FLNB: variants seen among roughly 807,000 people sequenced by gnomAD.
FLNB encodes filamin-B.
Under a neutral mutation model 250.6 loss-of-function variants are expected in FLNB, and 111 were observed. The ratio of observed to expected loss-of-function variants is 0.44; its 90% CI spans 0.38 to 0.52. The LOEUF (loss-of-function observed/expected upper bound fraction) is 0.52. Ranked by LOEUF, FLNB falls within the 20% of genes least tolerant of loss-of-function variation. The probability of loss-of-function intolerance (pLI) is 0.00; values close to 1 mark genes in which losing one functional copy is unlikely to be tolerated. For missense variants in FLNB, 2,869 were observed against 3,447.8 expected (o/e 0.83, Z 4.20); for synonymous variants, 1,302 against 1,372.1 (o/e 0.95, Z 1.13).
chr3:58,109,120 C>A, intron 13 of FLNB, 59 bp from the exon 14 acceptor site: 5 of 1,609,082 alleles, frequency 3.1e-6, no homozygotes, highest in South Asian at 2.2e-5. Context: ...CCACAGTGAC[C>A]CTGTCTGATA....
chr3:58,137,884 C>T (rs1387688006), intron 28 of FLNB, among the ~76,000 whole-genome samples: 1 of 152,170 alleles, frequency 6.6e-6, no homozygotes, highest in African/African-American at 2.4e-5. Flanking sequence ...ATTTCCACTG[C>T]AGTTGGAAAT....
chr3:58,120,765 G>A (rs374335512), intron 19 of FLNB, among the ~76,000 whole-genome samples: 97 of 152,258 alleles, frequency 6.4e-4, no homozygotes, highest in African/African-American at 2.1e-3. Context: ...AATAAGAGAC[G>A]ACAGTGTCAG....
intron 41 of FLNB, among the ~76,000 whole-genome samples, chr3:58,157,810 T>G (rs1470171534): frequency 6.6e-6 from 1 of 152,170 alleles, no homozygotes; most frequent in East Asian, 1.9e-4. Flanking sequence ...AAAAATCCCC[T>G]CCAGGAAACT....
intron 1 of FLNB, among the ~76,000 whole-genome samples, chr3:58,017,563 T>G (rs2097107579): frequency 6.6e-6 from 1 of 152,124 alleles, no homozygotes; most frequent in African/African-American, 2.4e-5. Flanking sequence ...AGTGTCAGGA[T>G]TTATTCTGTG....
At chr3:58,090,696 T>C (rs1406909907) in intron 4 of FLNB, among the ~76,000 whole-genome samples, 2 of 152,204 alleles carry the variant, frequency 1.3e-5, no homozygotes, top group East Asian at 3.8e-4. Flanking sequence ...GCAAATAAAA[T>C]TGAGCTGTAT....
At position 58,075,880 on chromosome 3, in the gene FLNB, C is replaced by G. The variant is rs543708002; in HGVS notation, c.293-1166C>G. Among the ~76,000 whole-genome samples the G allele has an allele frequency of 2.6e-5, 4 of 151,570 alleles. No homozygotes were observed. In the East Asian group the frequency reaches 7.7e-4, roughly 29 times the overall value. The stretch of plus-strand genomic sequence containing the variant: ...TTGTTGGAGAGTGGGTATAGGGAAA[C>G]GGAGAGAGAGAGAAAGTTGCAGGGG... On this transcript the variant is annotated intron_variant, in intron 1 of 45. Coordinates refer to ENST00000295956, the MANE Select transcript of FLNB (RefSeq NM_001457.4).
In FLNB at chr3:58,156,036, C is replaced by A. The variant is rs1193707328; in HGVS notation, c.6849C>A (p.Pro2283=). The change falls in exon 41 of 46, where the codon CCC becomes CCA. Residue 2283 remains proline, a synonymous_variant. Coordinates refer to ENST00000295956, the MANE Select transcript of FLNB (RefSeq NM_001457.4). The part of the protein sequence containing the change: ...ESPYLVPVIA[P]SDDARRLTVM... Reference sequence around the variant, plus strand: ...CCTACCTGGTGCCGGTCATCGCACCCTCCGACGACGCCCGCCGCCTCACTG... The same window carrying A: ...CCTACCTGGTGCCGGTCATCGCACCATCCGACGACGCCCGCCGCCTCACTG... The A allele has an allele frequency of 6.2e-7, 1 of 1,614,094 alleles. No homozygotes were observed. The highest frequency in any genetic ancestry group is 1.1e-5 in the South Asian group (1 of 91,074).
intron 42 of FLNB, among the ~76,000 whole-genome samples, chr3:58,161,908 AC>A (rs2097362432): frequency 1.3e-5 from 2 of 152,128 alleles, no homozygotes; most frequent in South Asian, 4.2e-4. Context: ...AGTCTCCAGC[AC>A]GTCTGCCTTC....
chr3:58,089,262 C>T (rs976192183), intron 4 of FLNB, among the ~76,000 whole-genome samples: 3 of 152,048 alleles, frequency 2.0e-5, no homozygotes, highest in Non-Finnish European at 4.4e-5. Flanking sequence ...AGTAGCCAGG[C>T]GTGGTGGCTC....
rs1434785228 is a variant in FLNB at position 58,169,149 on chromosome 3, G to T, written c.7418-441G>T. On this transcript the variant is annotated intron_variant, in intron 44 of 45. Coordinates refer to ENST00000295956, the MANE Select transcript of FLNB (RefSeq NM_001457.4). This position sits in a 1 kb window ranked among gnomAD's most constrained non-coding sequence, Gnocchi z 4.8. The stretch of plus-strand genomic sequence containing the variant: ...GATTCACTGTTACATAAAGAATGTA[G>T]GTTCATCGCAGGAAAATTAGAAAAT... The T allele has an allele frequency of 7.3e-6, 2 of 272,252 alleles. No individual in the cohort carries two copies. Among genetic ancestry groups the T allele is most frequent in the South Asian group, 8.9e-5 (2 of 22,360 alleles). 16.9% of individuals were successfully genotyped at this position (272,252 alleles called of 1,614,324 possible).
At chr3:58,107,077 T>C (rs1416336480) in intron 12 of FLNB, among the ~76,000 whole-genome samples, 2 of 152,196 alleles carry the variant, frequency 1.3e-5, no homozygotes, top group East Asian at 3.8e-4. Context: ...TCGCCCAGGC[T>C]GGGGTACGGT....
At position 58,008,872 on chromosome 3, in the gene FLNB, G is replaced by C. The variant is rs761661209; in HGVS notation, c.292+16G>C. 29 of 1,613,292 alleles carry C rather than the reference G, an allele frequency of 1.8e-5. No individual in the cohort carries two copies. Among genetic ancestry groups the C allele is most frequent in the Non-Finnish European group, 2.1e-5 (25 of 1,179,882 alleles). ...GTGTCCATCGGTGAGTTCTCTGGCCGGGCCCAGGCGCCCACTGTGGTGCCG... is the reference window on the plus strand; with the variant it reads ...GTGTCCATCGGTGAGTTCTCTGGCCCGGCCCAGGCGCCCACTGTGGTGCCG... On this transcript the variant is annotated intron_variant, in intron 1 of 45. Transcript: ENST00000295956.
rs1480154412 is a variant in FLNB at position 58,134,772 on chromosome 3, G to A, written c.4671G>A (p.Thr1557=). The A allele has an allele frequency of 3.1e-6, 5 of 1,613,404 alleles. No individual in the cohort carries two copies. The highest frequency in any genetic ancestry group is 2.2e-5 in the East Asian group (1 of 44,888). Residue 1557 remains threonine (T), a splice_region_variant and synonymous_variant, in exon 27 of 46, where the codon ACG becomes ACA. Transcript: ENST00000295956. ...AGEGLLAVQI[T]DQEGKPKRAI... is the part of the protein sequence containing the mutation. Reference sequence around the variant, plus strand: ...AAGGCCTGCTTGCTGTTCAAATAACGGTAACTTGGAGTTATTTTCTGAGCC... The same window carrying A: ...AAGGCCTGCTTGCTGTTCAAATAACAGTAACTTGGAGTTATTTTCTGAGCC...
chr3:58,123,003 T>G, intron 20 of FLNB, 90 bp from the exon 21 acceptor site: 1 of 1,215,282 alleles, frequency 8.2e-7, no homozygotes, highest in Non-Finnish European at 1.2e-6. Context: ...TCAGATGCAC[T>G]TCCATGCTGA....
rs2097339967 is a variant in FLNB, at chr3:58,148,673, T to C, written c.5912T>C (p.Val1971Ala). 4 of 1,614,002 alleles carry C rather than the reference T, an allele frequency of 2.5e-6. No homozygotes were observed. The highest frequency in any genetic ancestry group is 1.1e-5 in the South Asian group (1 of 91,068). Residue 1971 changes from valine to alanine, a missense_variant, in exon 36 of 46, where the codon GTG (valine) becomes GCG (alanine). This residue lies in a region of FLNB where 1,084 missense variants were observed against 1,315.5 expected (regional missense o/e 0.82). Transcript: ENST00000295956. ...HIGISFIPRE[V>A]GEHLVSIKKN... is the part of the protein sequence containing the mutation. ...GGCATCTCCTTCATCCCCCGGGAAG[T>C]GGGCGAACATCTGGTCAGCATCAAG... is the stretch of plus-strand genomic sequence containing the variant.
rs1230192750 is a variant in FLNB at position 58,170,558 on chromosome 3, C to T, written c.7622-17C>T. 1 of 1,613,674 alleles carries T rather than the reference C, an allele frequency of 6.2e-7. No individual in the cohort carries two copies. Among genetic ancestry groups the T allele is most frequent in the Admixed American group, 1.7e-5 (1 of 59,986 alleles). ...TCCTGATGCATCCGGGTGGAGTAACCACCTTTTGCCTCCTAGGCTCCAACA... is the reference window on the plus strand; with the variant it reads ...TCCTGATGCATCCGGGTGGAGTAACTACCTTTTGCCTCCTAGGCTCCAACA... On this transcript the variant is annotated splice_polypyrimidine_tract_variant and intron_variant, in intron 45 of 45. Coordinates refer to ENST00000295956, the MANE Select transcript of FLNB (RefSeq NM_001457.4).
rs575161175 is a variant in FLNB, at chr3:58,099,542, CTGTTTTGTTT to C, written c.1345+651_1345+660del. On this transcript the variant is annotated intron_variant, in intron 8 of 45. Transcript: ENST00000295956. ...CTCTGACTTTGTTGCCCCTTTTTTT[CTGTTTTGTTT>C]TGTTTTGTTTTGTTTTCCAACTGTA... 1.1e-4 allele frequency among the ~76,000 whole-genome samples: 17 copies of C among 152,104 alleles called. No homozygotes were observed. In the South Asian group the frequency reaches 1.7e-3, roughly 15 times the overall value.
chr3:58,154,247 T>G (rs1559734748), intron 39 of FLNB, among the ~76,000 whole-genome samples: 2 of 152,146 alleles, frequency 1.3e-5, no homozygotes, highest in African/African-American at 4.8e-5. Context: ...CCTGGCCGGT[T>G]AAGATGTATT....
Position 58,169,042 on chromosome 3 carries a change from T to C in FLNB, c.7417+384T>C. 3.3e-6 allele frequency: 1 copy of C among 305,914 alleles called. No homozygotes were observed. Among genetic ancestry groups the C allele is most frequent in the South Asian group, 3.2e-5 (1 of 30,850 alleles). 18.9% of individuals were successfully genotyped at this position (305,914 alleles called of 1,614,324 possible). A position where few individuals can be genotyped will look rare whatever the true frequency, so the allele number is the denominator to read the frequency against. On this transcript the variant is annotated intron_variant, in intron 44 of 45. Coordinates refer to ENST00000295956, the MANE Select transcript of FLNB (RefSeq NM_001457.4). The surrounding 1 kb of genome is among the most constrained non-coding windows in gnomAD (Gnocchi z 4.8). The stretch of plus-strand genomic sequence containing the variant: ...GTCTCCTCCAAAACACTGGAAAAAA[T>C]ACCAAACTATGAAAACCACTTCACA...
Sources: gnomAD v4.1 joint callset for allele counts (sites outside exome capture counted in the v4.1 genomes callset) on GRCh38, gnomAD v4.1.1 for gene constraint, gnomAD v4.1.1 regional missense constraint, Gnocchi (gnomAD v3.1) non-coding constraint, MANE v1.5 for transcripts, NCBI Gene and HGNC (gene_info 2026-07-23, HGNC 2026-07-21) for gene names.